Variants in KCNK12 observed in about 807,000 individuals in gnomAD.
The protein encoded by KCNK12 is potassium channel subfamily K member 12.
Under a neutral mutation model 25.3 loss-of-function variants are expected in KCNK12, and 6 were observed. That is an observed-to-expected ratio of 0.24 (90% confidence interval 0.13 to 0.47). The LOEUF is 0.47. Among genes scored for constraint, KCNK12 ranks in the 20% least tolerant of loss-of-function variants. The probability of loss-of-function intolerance (pLI) is 0.99; values close to 1 mark genes in which losing one functional copy is unlikely to be tolerated. For synonymous variants in KCNK12, 331 were observed against 311.1 expected (o/e 1.06, Z -0.67); for missense variants, 444 against 661.7 (o/e 0.67, Z 3.61).
At chr2:47,563,412 TGA>T (rs1266292646) in intron 1 of KCNK12, 2 of 233,280 alleles carry the variant, frequency 8.6e-6, no homozygotes, top group African/African-American at 4.4e-5. Context: ...TGTGGGAGAG[TGA>T]GAGAGATACA....
chr2:47,542,595 T>G (rs1476097821), intron 1 of KCNK12, among the ~76,000 whole-genome samples: 3 of 152,202 alleles, frequency 2.0e-5, no homozygotes, highest in Non-Finnish European at 2.9e-5. Flanking sequence ...TGCAGCCAGG[T>G]TGGGCTTTCA....
chr2:47,570,542 C>A lies in KCNK12; in HGVS notation c.-211G>T. 2.6e-6 allele frequency: 1 copy of A among 386,114 alleles called. No homozygotes were observed. Among genetic ancestry groups the A allele is most frequent in the Non-Finnish European group, 4.2e-6 (1 of 237,094 alleles). The allele number at this position is 386,114 out of a possible 1,614,324, so 23.9% of individuals were successfully genotyped here. Reference sequence around the variant, plus strand: ...CCCGGCGCTCAGGCCACACGCGAGTCCCGTGGCCCAGCGGGTGCCCGGGCA... The same window carrying A: ...CCCGGCGCTCAGGCCACACGCGAGTACCGTGGCCCAGCGGGTGCCCGGGCA... On this transcript the variant is annotated 5_prime_UTR_variant, in exon 1 of 2. Transcript: ENST00000327876.
At chr2:47,567,313 C>T (rs1237986623) in intron 1 of KCNK12, among the ~76,000 whole-genome samples, 1 of 152,156 alleles carries the variant, frequency 6.6e-6, no homozygotes, top group Non-Finnish European at 1.5e-5. Context: ...ATAAAGAATC[C>T]TGACTGCCCA....
intron 1 of KCNK12, chr2:47,543,620 G>C (rs1669249070): frequency 6.6e-6 from 1 of 152,276 alleles, no homozygotes; most frequent in Non-Finnish European, 1.5e-5. Context: ...AGGTGATAGG[G>C]GGTCTTCTCC....
rs1041648454 is a variant in KCNK12, at chr2:47,566,640, C to A, written c.391+3301G>T. 6.6e-6 allele frequency: 1 copy of A among 152,200 alleles called. No individual in the cohort carries two copies. Among genetic ancestry groups the A allele is most frequent in the African/African-American group, 2.4e-5 (1 of 41,436 alleles). The allele number at this position is 152,200 out of a possible 1,614,324, so 9.4% of individuals were successfully genotyped here. ...ATCTGTCTTGTCCTTCAAGTTTTCT[C>A]TGGACTTAATCAGTTGATGACGTGA... is the stretch of plus-strand genomic sequence containing the variant. On this transcript the variant is annotated intron_variant, in intron 1 of 1. Coordinates refer to ENST00000327876, the MANE Select transcript of KCNK12 (RefSeq NM_022055.2). This position sits in a 1 kb window ranked among gnomAD's most constrained non-coding sequence, Gnocchi z 4.1.
chr2:47,518,242 G>T lies in KCNK12; in HGVS notation c.*2665C>A. On this transcript the variant is annotated 3_prime_UTR_variant, in exon 2 of 2. Coordinates refer to ENST00000327876, the MANE Select transcript of KCNK12 (RefSeq NM_022055.2). This position sits in a 1 kb window ranked among gnomAD's most constrained non-coding sequence, Gnocchi z 4.1. ...TGGCAGTGTGACTGAGACTGGATTG[G>T]GGGATGGGGACAGGGGAACATAGGC... The T allele has an allele frequency of 6.6e-6, 1 of 152,550 alleles. No homozygotes were observed. The highest frequency in any genetic ancestry group is 1.5e-5 in the Non-Finnish European group (1 of 68,224). The allele number at this position is 152,550 out of a possible 1,614,324, so 9.4% of individuals were successfully genotyped here. A position where few individuals can be genotyped will look rare whatever the true frequency, so the allele number is the denominator to read the frequency against.
Position 47,515,120 on chromosome 2 carries a change from C to T in KCNK12, c.*5787G>A, listed in dbSNP as rs116119840. ...ACAGCCACCTGTGCCCATCACATAG[C>T]TGGGGCACAGCTGGAGACCCCAACA... is the stretch of plus-strand genomic sequence containing the variant. On this transcript the variant is annotated 3_prime_UTR_variant, in exon 2 of 2. Transcript: ENST00000327876. Among the ~76,000 whole-genome samples the T allele has an allele frequency of 0.013, 1,932 of 152,260 alleles. 45 individuals carry two copies. Among genetic ancestry groups the T allele is most frequent in the African/African-American group, 0.044 (1,808 of 41,536 alleles).
rs1356406395 is a variant in KCNK12, at chr2:47,565,322, TTA to T, written c.391+4617_391+4618del. The T allele has an allele frequency of 1.3e-5, 2 of 152,250 alleles. No homozygotes were observed. Among genetic ancestry groups the T allele is most frequent in the African/African-American group, 4.8e-5 (2 of 41,466 alleles). 9.4% of individuals were successfully genotyped at this position (152,250 alleles called of 1,614,324 possible). A position where few individuals can be genotyped will look rare whatever the true frequency, so the allele number is the denominator to read the frequency against. The stretch of plus-strand genomic sequence containing the variant: ...TAAATGTGGTAGTGACATTTTGGGC[TTA>T]TAATGTCTTAGTTTCCTTTGTAGCA... On this transcript the variant is annotated intron_variant, in intron 1 of 1. Coordinates refer to ENST00000327876, the MANE Select transcript of KCNK12 (RefSeq NM_022055.2). The surrounding 1 kb of genome is among the most constrained non-coding windows in gnomAD (Gnocchi z 5.0).
Position 47,562,645 on chromosome 2 carries a change from G to C in KCNK12, c.391+7296C>G, listed in dbSNP as rs1669701510. 8.6e-6 allele frequency: 2 copies of C among 233,324 alleles called. No individual in the cohort carries two copies. Among genetic ancestry groups the C allele is most frequent in the Non-Finnish European group, 1.7e-5 (2 of 118,088 alleles). 14.5% of individuals were successfully genotyped at this position (233,324 alleles called of 1,614,324 possible). A position where few individuals can be genotyped will look rare whatever the true frequency, so the allele number is the denominator to read the frequency against. ...AACTTCCTGGGGCCAGAGTCTCATA[G>C]CAGTGGTAGCCAAGAGTTGGCTTAG... On this transcript the variant is annotated intron_variant, in intron 1 of 1. Coordinates refer to ENST00000327876, the MANE Select transcript of KCNK12 (RefSeq NM_022055.2). The surrounding 1 kb of genome is among the most constrained non-coding windows in gnomAD (Gnocchi z 4.8).
chr2:47,561,470 G>T (rs545190403), intron 1 of KCNK12, among the ~76,000 whole-genome samples: 1 of 152,344 alleles, frequency 6.6e-6, no homozygotes, highest in African/African-American at 2.4e-5. Flanking sequence ...ACCAACCAGA[G>T]TGCAGCAGGT....
chr2:47,535,744 T>G (rs139515947), intron 1 of KCNK12, among the ~76,000 whole-genome samples: 1,801 of 152,254 alleles, frequency 0.012, 45 homozygotes, highest in African/African-American at 0.041. Flanking sequence ...GAGGCCTGAC[T>G]CAGCCTTAGG....
At position 47,529,461 on chromosome 2, in the gene KCNK12, C is replaced by G. The variant is rs1228484763; in HGVS notation, c.392-7653G>C. ...CTATTGGTTGGAATCTGTCCAACTA[C>G]AAATATTTTGATTTAAATTTCCATT... On this transcript the variant is annotated intron_variant, in intron 1 of 1. Transcript: ENST00000327876. This position sits in a 1 kb window ranked among gnomAD's most constrained non-coding sequence, Gnocchi z 4.3. 2.6e-5 allele frequency among the ~76,000 whole-genome samples: 4 copies of G among 152,148 alleles called. No homozygotes were observed. Among genetic ancestry groups the G allele is most frequent in the Non-Finnish European group, 4.4e-5 (3 of 68,048 alleles).
intron 1 of KCNK12, among the ~76,000 whole-genome samples, chr2:47,552,136 A>G (rs1669447849): frequency 6.6e-6 from 1 of 152,246 alleles, no homozygotes. Flanking sequence ...ATGGAAAAAC[A>G]TTAAAAAAGA....
In KCNK12 at chr2:47,515,626, G is replaced by T. The variant is rs1021632484; in HGVS notation, c.*5281C>A. Among the ~76,000 whole-genome samples the T allele has an allele frequency of 6.6e-6, 1 of 152,216 alleles. No individual in the cohort carries two copies. The highest frequency in any genetic ancestry group is 2.4e-5 in the African/African-American group (1 of 41,456). ...TGAGTGGTCATGCTCAACAGGGTGGGGAGCCCAGGGGAGTGGGGAGTGATC... is the reference window on the plus strand; with the variant it reads ...TGAGTGGTCATGCTCAACAGGGTGGTGAGCCCAGGGGAGTGGGGAGTGATC... On this transcript the variant is annotated 3_prime_UTR_variant, in exon 2 of 2. Transcript: ENST00000327876.
rs964237131 is a variant in KCNK12, at chr2:47,557,854, G to C, written c.391+12087C>G. 2.0e-5 allele frequency among the ~76,000 whole-genome samples: 3 copies of C among 152,084 alleles called. No homozygotes were observed. Among genetic ancestry groups the C allele is most frequent in the Admixed American group, 2.0e-4 (3 of 15,264 alleles). On this transcript the variant is annotated intron_variant, in intron 1 of 1. Transcript: ENST00000327876. The surrounding 1 kb of genome is among the most constrained non-coding windows in gnomAD (Gnocchi z 4.9). ...AGGAACTGAGATGCCTTAGGGATTC[G>C]GGGACTGTGAAGGTAGAAACGGCAG...
chr2:47,526,160 C>T (rs760464714), intron 1 of KCNK12, among the ~76,000 whole-genome samples: 4 of 151,232 alleles, frequency 2.6e-5, no homozygotes, highest in Non-Finnish European at 4.4e-5. Flanking sequence ...TTTGGGAGGC[C>T]AAGGTGGGCA....
At position 47,570,123 on chromosome 2, in the gene KCNK12, G is replaced by A; in HGVS notation, c.209C>T (p.Ala70Val). 2 of 1,427,960 alleles carry A rather than the reference G, an allele frequency of 1.4e-6. No individual in the cohort carries two copies. Among genetic ancestry groups the A allele is most frequent in the Non-Finnish European group, 1.8e-6 (2 of 1,091,636 alleles). 88.5% of individuals were successfully genotyped at this position (1,427,960 alleles called of 1,614,324 possible). A position where few individuals can be genotyped will look rare whatever the true frequency, so the allele number is the denominator to read the frequency against. The change falls in exon 1 of 2, where the codon GCG (alanine) becomes GTG (valine). Residue 70 changes from alanine to valine, a missense_variant. Ala to Val is a moderately conservative substitution (Grantham distance 64). Coordinates refer to ENST00000327876, the MANE Select transcript of KCNK12 (RefSeq NM_022055.2). ...GTTGCGCAGCGTGGCGCCCCAGCGC[G>A]CCCGCGCCTCCGCCTCGCCGGGGCT... ...LESPGEAEAR[A>V]RWGATLRNFS...
At chr2:47,552,887 A>G (rs1021333587) in intron 1 of KCNK12, among the ~76,000 whole-genome samples, 2 of 152,204 alleles carry the variant, frequency 1.3e-5, no homozygotes, top group Non-Finnish European at 2.9e-5. Flanking sequence ...AAGAAGACCC[A>G]AGATCAGCAG....
At chr2:47,536,069 A>C (rs1002768972) in intron 1 of KCNK12, among the ~76,000 whole-genome samples, 1 of 152,004 alleles carries the variant, frequency 6.6e-6, no homozygotes, top group Non-Finnish European at 1.5e-5. Flanking sequence ...GGTTTTCTGG[A>C]AATATTCTCT....
Sources: allele counts gnomAD v4.1 joint callset (sites outside exome capture counted in the v4.1 genomes callset), GRCh38; gene constraint gnomAD v4.1.1; non-coding constraint Gnocchi (gnomAD v3.1); transcripts MANE v1.5; gene names NCBI Gene and HGNC (gene_info 2026-07-23, HGNC 2026-07-21).